The following ABCB5 variants were observed in gnomAD, a reference collection of about 807,000 sequenced individuals.
The protein encoded by ABCB5 is ATP-binding cassette sub-family B member 5.
Under a neutral mutation model 144.2 loss-of-function variants are expected in ABCB5, and 155 were observed. The ratio of observed to expected loss-of-function variants is 1.08; its 90% CI spans 0.94 to 1.23. The LOEUF is 1.23. Among genes scored for constraint, ABCB5 ranks in the 50% most tolerant of loss-of-function variants. The pLI, the probability that ABCB5 is intolerant of heterozygous loss-of-function variation, is 0.00. For missense variants in ABCB5, 1,830 were observed against 1,520.8 expected (o/e 1.20, Z -3.38); for synonymous variants, 610 against 528.6 (o/e 1.15, Z -2.11).
intron 13 of ABCB5, among the ~76,000 whole-genome samples, chr7:20,654,184 TTTTTTGTTTTTG>T (rs1037462202): frequency 2.6e-5 from 4 of 152,144 alleles, no homozygotes; most frequent in African/African-American, 9.7e-5. Context: ...GCACTGTTTT[TTTTTTGTTTTTG>T]TTTTTGTTTT....
chr7:20,633,871 A>G (rs1473490744), intron 5 of ABCB5, among the ~76,000 whole-genome samples: 1 of 152,032 alleles, frequency 6.6e-6, no homozygotes, highest in Non-Finnish European at 1.5e-5. Flanking sequence ...TTGTGGCTAT[A>G]TAATTTTGTT....
At chr7:20,635,561 G>A (rs1454598614) in intron 5 of ABCB5, among the ~76,000 whole-genome samples, 1 of 151,876 alleles carries the variant, frequency 6.6e-6, no homozygotes, top group South Asian at 2.1e-4. Flanking sequence ...TTTCCCATTT[G>A]TTTGTATCAT....
At chr7:20,647,412 T>A (rs2128024234) in intron 9 of ABCB5, 123 bp from the exon 10 acceptor site, 1 of 1,391,244 alleles carries the variant, frequency 7.2e-7, no homozygotes, top group East Asian at 2.7e-5. Context: ...ATATCTTCCA[T>A]TCTTTCTTAC....
intron 2 of ABCB5, 35 bp from the exon 3 acceptor site, chr7:20,626,522 T>C (rs949730989): frequency 3.2e-6 from 5 of 1,579,810 alleles, no homozygotes; most frequent in African/African-American, 1.3e-5. Context: ...TATATTCACA[T>C]TGTAACTGCT....
Position 20,646,150 on chromosome 7 carries a change from T to C in ABCB5, c.981+12T>C, listed in dbSNP as rs768449789. The C allele has an allele frequency of 3.1e-6, 5 of 1,606,720 alleles. No individual in the cohort carries two copies. The highest frequency in any genetic ancestry group is 4.2e-6 in the Non-Finnish European group (5 of 1,177,734). On this transcript the variant is annotated intron_variant, in intron 9 of 27. Coordinates refer to ENST00000404938, the MANE Select transcript of ABCB5 (RefSeq NM_001163941.2). ...GGACTGTTCTTGCTGTAAGTCTTGTTTGAGAACAAGGTGTCAGGCCTGGAT... is the reference window on the plus strand; with the variant it reads ...GGACTGTTCTTGCTGTAAGTCTTGTCTGAGAACAAGGTGTCAGGCCTGGAT...
rs1240470577 is a variant in ABCB5, at chr7:20,626,566, A to G, written c.63A>G (p.Glu21=). 6.2e-7 allele frequency: 1 copy of G among 1,607,774 alleles called. No homozygotes were observed. The highest frequency in any genetic ancestry group is 8.5e-7 in the Non-Finnish European group (1 of 1,176,928). The change falls in exon 3 of 28, where the codon GAA becomes GAG. Residue 21 remains glutamate, a synonymous_variant. Coordinates refer to ENST00000404938, the MANE Select transcript of ABCB5 (RefSeq NM_001163941.2). ...QENYQRNGTA[E]EQPKLRKEAV... ...AACTTTTATTTTCCAGAACTGCAGA[A>G]GAACAGCCAAAACTGAGAAAGGAAG...
At chr7:20,668,590 TGG>T (rs560542131) in intron 14 of ABCB5, among the ~76,000 whole-genome samples, 42 of 110,822 alleles carry the variant, frequency 3.8e-4, no homozygotes, top group African/African-American at 1.3e-3. Flanking sequence ...GGGAGGGAGG[TGG>T]GGGGGGGGGT....
At chr7:20,683,528 T>G (rs991048621) in intron 15 of ABCB5, among the ~76,000 whole-genome samples, 1 of 152,120 alleles carries the variant, frequency 6.6e-6, no homozygotes, top group African/African-American at 2.4e-5. Context: ...TATTTTTTAT[T>G]GTAATTAAAC....
intron 5 of ABCB5, among the ~76,000 whole-genome samples, chr7:20,633,543 A>AT (rs1562529865): frequency 1.3e-5 from 2 of 152,180 alleles, no homozygotes; most frequent in Non-Finnish European, 2.9e-5. Flanking sequence ...TGTAATACAT[A>AT]TAACGTATAG....
chr7:20,745,261 G>C lies in ABCB5; in HGVS notation c.3252G>C (p.Leu1084Phe). ...VLFDGVDAKE[L>F]NVQWLRSQIA... ...TTGATGGTGTGGATGCAAAAGAATT[G>C]AATGTACAGTGGCTCCGTTCCCAAA... The change falls in exon 26 of 28, where the codon TTG (leucine) becomes TTC (phenylalanine). Residue 1084 changes from leucine to phenylalanine, a missense_variant. Physicochemically the swap from Leu to Phe is conservative, Grantham distance 22. Transcript: ENST00000404938. 6.2e-7 allele frequency: 1 copy of C among 1,613,950 alleles called. No individual in the cohort carries two copies. The highest frequency in any genetic ancestry group is 8.5e-7 in the Non-Finnish European group (1 of 1,179,876).
At chr7:20,693,692 G>T (rs1461345333) in intron 16 of ABCB5, among the ~76,000 whole-genome samples, 1 of 151,464 alleles carries the variant, frequency 6.6e-6, no homozygotes, top group East Asian at 1.9e-4. Flanking sequence ...ATACCAGAAG[G>T]AAGAAAATAA....
At chr7:20,690,319 TTCTAATAATGAACCACATTCATAACTG>T (rs1446436121) in intron 16 of ABCB5, among the ~76,000 whole-genome samples, 2 of 152,232 alleles carry the variant, frequency 1.3e-5, no homozygotes, top group Non-Finnish European at 2.9e-5. Context: ...ATATCTTATG[TTCTAATAATGAACCACATTCATAACTG>T]TATCACAACT....
chr7:20,710,972 CT>C (rs1164604997), intron 20 of ABCB5, among the ~76,000 whole-genome samples: 1 of 149,610 alleles, frequency 6.7e-6, no homozygotes, highest in African/African-American at 2.5e-5. Context: ...CTAGTGGTTA[CT>C]TTAGGCTTTA....
intron 14 of ABCB5, among the ~76,000 whole-genome samples, chr7:20,668,595 G>GC (rs1366747771): frequency 1.3e-5 from 2 of 149,518 alleles, no homozygotes; most frequent in Non-Finnish European, 3.0e-5. Flanking sequence ...GGAGGTGGGG[G>GC]GGGGGGTCAG....
chr7:20,729,593 G>C (rs1282040834), intron 23 of ABCB5, among the ~76,000 whole-genome samples: 1 of 152,102 alleles, frequency 6.6e-6, no homozygotes, highest in African/African-American at 2.4e-5. Context: ...TGCTAAATTA[G>C]AAAAATTAAT....
intron 1 of ABCB5, among the ~76,000 whole-genome samples, chr7:20,616,270 A>C (rs924375262): frequency 1.3e-5 from 2 of 152,184 alleles, no homozygotes; most frequent in African/African-American, 2.4e-5. Context: ...TCCTGACCTC[A>C]GATGATCCAG....
chr7:20,626,513 A>G (rs1418803542), intron 2 of ABCB5, 44 bp from the exon 3 acceptor site: 3 of 1,558,258 alleles, frequency 1.9e-6, no homozygotes, highest in Non-Finnish European at 8.7e-7. Flanking sequence ...TTTGCAAATT[A>G]TATTCACATT....
At chr7:20,661,323 T>A (rs1220902477) in intron 14 of ABCB5, among the ~76,000 whole-genome samples, 5 of 152,186 alleles carry the variant, frequency 3.3e-5, no homozygotes, top group African/African-American at 1.2e-4. Context: ...ACAACGTATA[T>A]GTTTGTTTAT....
chr7:20,718,441 G>A (rs938201066), intron 20 of ABCB5, among the ~76,000 whole-genome samples: 1 of 152,082 alleles, frequency 6.6e-6, no homozygotes, highest in Non-Finnish European at 1.5e-5. Flanking sequence ...CTACCTTGTC[G>A]ATCTTAGTTT....
Sources: gnomAD v4.1 joint callset for allele counts (sites outside exome capture counted in the v4.1 genomes callset) on GRCh38, gnomAD v4.1.1 for gene constraint, MANE v1.5 for transcripts, NCBI Gene and HGNC (gene_info 2026-07-23, HGNC 2026-07-21) for gene names.